The following ZNF438 variants were observed in gnomAD, a reference collection of about 807,000 sequenced individuals.
The protein encoded by ZNF438 is zinc finger protein 438.
ZNF438 carries 25 observed loss-of-function variants against 38.0 expected under a neutral mutation model. The observed-to-expected ratio is 0.66, with a 90% CI of 0.48 to 0.92. The LOEUF (loss-of-function observed/expected upper bound fraction) is 0.92, where lower values mean the gene tolerates loss of function less well. Ranked by LOEUF, ZNF438 falls within the 40% of genes least tolerant of loss-of-function variation. ZNF438 has a pLI of 0.00. For synonymous variants in ZNF438, 372 were observed against 364.1 expected, an observed-to-expected ratio of 1.02 and a Z score of -0.25; for missense variants, 1,007 against 999.6, an observed-to-expected ratio of 1.01 and a Z score of -0.10.
chr10:30,977,322 C>T (rs2051482762), intron 1 of ZNF438, among the ~76,000 whole-genome samples: 1 of 152,144 alleles, frequency 6.6e-6, no homozygotes, highest in African/African-American at 2.4e-5. Flanking sequence ...AACAAAGAGA[C>T]TCAAAAGTAG....
intron 1 of ZNF438, among the ~76,000 whole-genome samples, chr10:30,985,928 A>G (rs1308613288): frequency 1.3e-5 from 2 of 152,208 alleles, no homozygotes; most frequent in African/African-American, 4.8e-5. Context: ...CAGACTGCAT[A>G]TATGATGGAG....
chr10:30,902,390 G>A (rs2042116034), intron 3 of ZNF438, among the ~76,000 whole-genome samples: 1 of 151,870 alleles, frequency 6.6e-6, no homozygotes, highest in Middle Eastern at 3.2e-3. Context: ...ACAGAGTGCT[G>A]ATTCATGCAT....
At chr10:30,986,287 C>T (rs1375800762) in intron 1 of ZNF438, among the ~76,000 whole-genome samples, 1 of 152,178 alleles carries the variant, frequency 6.6e-6, no homozygotes, top group African/African-American at 2.4e-5. Context: ...TGCATTTTCT[C>T]CTTAAGGCAC....
At chr10:30,916,700 T>C (rs2043677913) in intron 2 of ZNF438, among the ~76,000 whole-genome samples, 1 of 152,100 alleles carries the variant, frequency 6.6e-6, no homozygotes, top group Non-Finnish European at 1.5e-5. Context: ...TATGTTTGAA[T>C]GTGGCACAAT....
At chr10:30,847,561 G>C (rs997506813) in intron 5 of ZNF438, among the ~76,000 whole-genome samples, 2 of 152,210 alleles carry the variant, frequency 1.3e-5, no homozygotes, top group Admixed American at 6.5e-5. Context: ...GGCTAAGAGA[G>C]CTGTAACACA....
intron 2 of ZNF438, among the ~76,000 whole-genome samples, chr10:30,911,840 T>C (rs554577594): frequency 4.3e-4 from 65 of 152,216 alleles, no homozygotes; most frequent in African/African-American, 1.5e-3. Flanking sequence ...TGGTATCACA[T>C]ACAACCTACC....
intron 1 of ZNF438, among the ~76,000 whole-genome samples, chr10:31,005,688 TA>T (rs1404509755): frequency 6.6e-6 from 1 of 152,238 alleles, no homozygotes; most frequent in African/African-American, 2.4e-5. Context: ...TGACTGATGT[TA>T]ATTTGCTTGA....
chr10:30,944,893 C>A (rs766517488), intron 1 of ZNF438, among the ~76,000 whole-genome samples: 11 of 152,068 alleles, frequency 7.2e-5, no homozygotes, highest in Admixed American at 5.2e-4. Flanking sequence ...TCCTGGATCT[C>A]TATTAATGTT....
chr10:31,007,592 TTTTG>T (rs767244926), intron 1 of ZNF438, among the ~76,000 whole-genome samples: 25 of 152,214 alleles, frequency 1.6e-4, no homozygotes, highest in Non-Finnish European at 2.6e-4. Context: ...ATCTTTTGTT[TTTTG>T]TTTGTTTGTT....
At chr10:30,978,261 C>T (rs1400246945) in intron 1 of ZNF438, among the ~76,000 whole-genome samples, 2 of 152,154 alleles carry the variant, frequency 1.3e-5, no homozygotes, top group East Asian at 3.8e-4. Context: ...AATTCGTCTA[C>T]TCTCTTTCCT....
At chr10:31,030,094 C>T (rs191377522) in intron 1 of ZNF438, among the ~76,000 whole-genome samples, 4 of 152,142 alleles carry the variant, frequency 2.6e-5, no homozygotes, top group African/African-American at 9.7e-5. Context: ...CAGAATAGTG[C>T]CTTACATATG....
At chr10:30,969,828 T>C (rs2050547211) in intron 1 of ZNF438, among the ~76,000 whole-genome samples, 1 of 148,088 alleles carries the variant, frequency 6.8e-6, no homozygotes, top group Admixed American at 6.8e-5. Context: ...AAGTTTTTAT[T>C]GTTTTTTTTT....
intron 1 of ZNF438, among the ~76,000 whole-genome samples, chr10:31,000,702 T>A (rs1306584435): frequency 6.6e-6 from 1 of 151,878 alleles, no homozygotes; most frequent in Non-Finnish European, 1.5e-5. Flanking sequence ...GTGCATAATG[T>A]AAAGCCTGTC....
chr10:30,993,365 C>A (rs1477028969), intron 1 of ZNF438, among the ~76,000 whole-genome samples: 1 of 152,232 alleles, frequency 6.6e-6, no homozygotes, highest in Non-Finnish European at 1.5e-5. Context: ...CCTCAGGACT[C>A]TGCTCCCTGC....
chr10:30,981,386 T>A (rs1026615818), intron 1 of ZNF438, among the ~76,000 whole-genome samples: 3 of 152,188 alleles, frequency 2.0e-5, no homozygotes, highest in Non-Finnish European at 2.9e-5. Flanking sequence ...ATGACAGCAT[T>A]TCCTGGGAGC....
intron 1 of ZNF438, among the ~76,000 whole-genome samples, chr10:31,003,137 C>T (rs571508102): frequency 2.0e-5 from 3 of 152,232 alleles, no homozygotes; most frequent in African/African-American, 7.2e-5. Context: ...CACACTATTG[C>T]AAGTCTTGAG....
chr10:31,000,221 C>T (rs963637507), intron 1 of ZNF438, among the ~76,000 whole-genome samples: 4 of 152,126 alleles, frequency 2.6e-5, no homozygotes, highest in Non-Finnish European at 5.9e-5. Flanking sequence ...CTGGTATTCC[C>T]CATTTCAGGT....
At chr10:30,931,590 T>C (rs1221690727) in intron 2 of ZNF438, among the ~76,000 whole-genome samples, 1 of 152,202 alleles carries the variant, frequency 6.6e-6, no homozygotes, top group South Asian at 2.1e-4. Context: ...ACCATTTAGG[T>C]CAAATCCTTT....
chr10:31,025,915 T>C (rs1205049213), intron 1 of ZNF438, among the ~76,000 whole-genome samples: 3 of 152,080 alleles, frequency 2.0e-5, no homozygotes, highest in African/African-American at 4.8e-5. Flanking sequence ...CAAATATATA[T>C]GAGTTGAAGA....
Sources: allele counts gnomAD v4.1 joint callset (sites outside exome capture counted in the v4.1 genomes callset), GRCh38; gene constraint gnomAD v4.1.1; transcripts MANE v1.5; gene names NCBI Gene and HGNC (gene_info 2026-07-23, HGNC 2026-07-21).